The following CTNNB1 variants were observed in gnomAD, a reference collection of about 807,000 sequenced individuals.
CTNNB1 encodes catenin beta 1.
A neutral mutation model predicts 82.5 loss-of-function variants in CTNNB1; 6 were observed. The observed-to-expected ratio is 0.07, with a 90% confidence interval of 0.04 to 0.14. The LOEUF (loss-of-function observed/expected upper bound fraction) is 0.14. CTNNB1 is among the 10% of genes least tolerant of loss of function. CTNNB1 has a pLI of 1.00. For synonymous variants in CTNNB1, 312 were observed against 329.7 expected, an observed-to-expected ratio of 0.95 and a Z score of 0.58; for missense variants, 529 against 980.4, an observed-to-expected ratio of 0.54 and a Z score of 6.15.
chr3:41,220,942 T>A (rs2078033930), intron 1 of CTNNB1: 1 of 152,212 alleles, frequency 6.6e-6, no homozygotes, highest in Admixed American at 6.5e-5. Flanking sequence ...ATTTCTCCCA[T>A]TGACTTTGAC....
chr3:41,205,249 T>C (rs2077621916), intron 1 of CTNNB1, among the ~76,000 whole-genome samples: 2 of 152,250 alleles, frequency 1.3e-5, no homozygotes, highest in Non-Finnish European at 2.9e-5. Flanking sequence ...ACTGTTAGAC[T>C]AGATCCAAAA....
chr3:41,239,590 C>CAACTT lies in CTNNB1; in HGVS notation c.*251_*255dup, dbSNP rs1399366442. 8 of 543,816 alleles carry CAACTT rather than the reference C, an allele frequency of 1.5e-5. No individual in the cohort carries two copies. The highest frequency in any genetic ancestry group is 2.7e-5 in the Non-Finnish European group (8 of 301,354). The allele number at this position is 543,816 out of a possible 1,614,324, so 33.7% of individuals were successfully genotyped here. A position where few individuals can be genotyped will look rare whatever the true frequency, so the allele number is the denominator to read the frequency against. Reference sequence around the variant, plus strand: ...TTAATGTTTTTTGCCACAGCTTTTGCAACTTAATACTCAAATGAGTAACAT... The same window carrying CAACTT: ...TTAATGTTTTTTGCCACAGCTTTTGCAACTTAACTTAATACTCAAATGAGTAACAT... On this transcript the variant is annotated 3_prime_UTR_variant, in exon 15 of 15. Coordinates refer to ENST00000349496, the MANE Select transcript of CTNNB1 (RefSeq NM_001904.4).
intron 1 of CTNNB1, among the ~76,000 whole-genome samples, chr3:41,220,377 C>CGA (rs1260157104): frequency 2.0e-5 from 3 of 151,542 alleles, no homozygotes; most frequent in African/African-American, 7.3e-5. Flanking sequence ...CTTGAGAACA[C>CGA]ACACACCCAC....
chr3:41,207,996 C>T (rs1392338904), intron 1 of CTNNB1, among the ~76,000 whole-genome samples: 2 of 152,078 alleles, frequency 1.3e-5, no homozygotes, highest in Non-Finnish European at 2.9e-5. Context: ...CAAATTATAC[C>T]ACCCACTGCC....
At chr3:41,208,846 A>AG (rs1187965026) in intron 1 of CTNNB1, among the ~76,000 whole-genome samples, 5 of 152,198 alleles carry the variant, frequency 3.3e-5, no homozygotes, top group African/African-American at 1.2e-4. Context: ...GGCTCTTTCC[A>AG]TGAGCAAACA....
At chr3:41,208,575 C>G (rs1559456481) in intron 1 of CTNNB1, among the ~76,000 whole-genome samples, 1 of 152,120 alleles carries the variant, frequency 6.6e-6, no homozygotes, top group African/African-American at 2.4e-5. Flanking sequence ...TTCCCTGTTC[C>G]TCACCCTCAC....
At chr3:41,228,110 C>G (rs1239692110) in intron 7 of CTNNB1, among the ~76,000 whole-genome samples, 1 of 152,078 alleles carries the variant, frequency 6.6e-6, no homozygotes, top group Admixed American at 6.5e-5. Flanking sequence ...TTTTCTTTAT[C>G]TAGTCTACCA....
chr3:41,225,921 C>T lies in CTNNB1; in HGVS notation c.936+60C>T. 3.4e-6 allele frequency: 5 copies of T among 1,481,900 alleles called. No individual in the cohort carries two copies. The highest frequency in any genetic ancestry group is 4.7e-6 in the Non-Finnish European group (5 of 1,068,324). 91.8% of individuals were successfully genotyped at this position (1,481,900 alleles called of 1,614,324 possible). A position where few individuals can be genotyped will look rare whatever the true frequency, so the allele number is the denominator to read the frequency against. On this transcript the variant is annotated intron_variant, in intron 6 of 14. Coordinates refer to ENST00000349496, the MANE Select transcript of CTNNB1 (RefSeq NM_001904.4). This position sits in a 1 kb window ranked among gnomAD's most constrained non-coding sequence, Gnocchi z 5.3. ...GCATTGGACACCTCCAGTGTCATGTCATTCCATGCAGTGTTCCTAACCTTT... is the reference window on the plus strand; with the variant it reads ...GCATTGGACACCTCCAGTGTCATGTTATTCCATGCAGTGTTCCTAACCTTT...
At chr3:41,208,866 C>T (rs1377347105) in intron 1 of CTNNB1, among the ~76,000 whole-genome samples, 2 of 152,152 alleles carry the variant, frequency 1.3e-5, no homozygotes, top group Non-Finnish European at 2.9e-5. Context: ...ATGGTATTAT[C>T]CCATTACAAA....
intron 1 of CTNNB1, among the ~76,000 whole-genome samples, chr3:41,201,641 G>A (rs1052021661): frequency 8.6e-5 from 13 of 151,860 alleles, no homozygotes; most frequent in African/African-American, 3.1e-4. Flanking sequence ...GTCCTGTGGA[G>A]TCCTGAGTCT....
intron 1 of CTNNB1, among the ~76,000 whole-genome samples, chr3:41,208,249 C>CT (rs1559456310): frequency 6.6e-6 from 1 of 152,104 alleles, no homozygotes; most frequent in Non-Finnish European, 1.5e-5. Context: ...GTTTAGCTTA[C>CT]TTTTTTTGTA....
At chr3:41,235,506 T>A in intron 10 of CTNNB1, 1 of 606,710 alleles carries the variant, frequency 1.6e-6, no homozygotes, top group Non-Finnish European at 2.9e-6. Flanking sequence ...GAAGCTCTGT[T>A]GCACTGTGTA....
chr3:41,223,819 T>C (rs2078108515), intron 1 of CTNNB1, among the ~76,000 whole-genome samples: 1 of 152,126 alleles, frequency 6.6e-6, no homozygotes, highest in Non-Finnish European at 1.5e-5. Context: ...AAGGAGGAGT[T>C]TTCACTGAAG....
chr3:41,215,472 T>C (rs1370879487), intron 1 of CTNNB1, among the ~76,000 whole-genome samples: 1 of 151,732 alleles, frequency 6.6e-6, no homozygotes, highest in Admixed American at 6.6e-5. Context: ...TGTGTTCTCC[T>C]GTTCACATTT....
Position 41,239,967 on chromosome 3 carries a change from T to G in CTNNB1, c.*625T>G, listed in dbSNP as rs1287377437. 1 of 182,154 alleles carries G rather than the reference T, an allele frequency of 5.5e-6. No homozygotes were observed. Among genetic ancestry groups the G allele is most frequent in the African/African-American group, 2.4e-5 (1 of 42,126 alleles). 11.3% of individuals were successfully genotyped at this position (182,154 alleles called of 1,614,324 possible). ...AGAATATCTGTAATGGTACTGACTTTGCTTGCTTTGAAGTAGCTCTTTTTT... is the reference window on the plus strand; with the variant it reads ...AGAATATCTGTAATGGTACTGACTTGGCTTGCTTTGAAGTAGCTCTTTTTT... On this transcript the variant is annotated 3_prime_UTR_variant, in exon 15 of 15. Transcript: ENST00000349496.
At chr3:41,229,876 CTGTGTGTGTGTGTGTG>C (rs58153157) in intron 7 of CTNNB1, among the ~76,000 whole-genome samples, 1 of 147,230 alleles carries the variant, frequency 6.8e-6, no homozygotes, top group East Asian at 2.0e-4. Flanking sequence ...CTCTTGGGTT[CTGTGTGTGTGTGTGTG>C]TGTGTGTGTG....
intron 13 of CTNNB1, chr3:41,236,967 A>T: frequency 1.7e-6 from 1 of 587,988 alleles, no homozygotes; most frequent in East Asian, 2.8e-5. Context: ...GAAAAATGTT[A>T]CCAGATTAAA....
chr3:41,215,213 TAA>T (rs10576683), intron 1 of CTNNB1, among the ~76,000 whole-genome samples: 33,235 of 76,564 alleles, frequency 0.43, 6,731 homozygotes, highest in Non-Finnish European at 0.49. Context: ...CTGTCTCCAT[TAA>T]AAAAAAAAAA....
rs1215990470 is a variant in CTNNB1 at position 41,235,781 on chromosome 3, G to A, written c.1741G>A (p.Ala581Thr). 3.1e-6 allele frequency: 5 copies of A among 1,613,882 alleles called. No homozygotes were observed. The highest frequency in any genetic ancestry group is 4.2e-6 in the Non-Finnish European group (5 of 1,179,750). The stretch of plus-strand genomic sequence containing the variant: ...TTGTACCGGAGCCCTTCACATCCTA[G>A]CTCGGGATGTTCACAACCGAATTGT... ...EGCTGALHILARDVHNRIVIR... is the reference protein window; with the variant it reads ...EGCTGALHILTRDVHNRIVIR... The change falls in exon 11 of 15, where the codon GCT (alanine) becomes ACT (threonine). Residue 581 changes from alanine (A) to threonine (T), a missense_variant. Ala to Thr is a moderately conservative substitution (Grantham distance 58). Coordinates refer to ENST00000349496, the MANE Select transcript of CTNNB1 (RefSeq NM_001904.4).
Sources: gnomAD v4.1 joint callset for allele counts (sites outside exome capture counted in the v4.1 genomes callset) on GRCh38, gnomAD v4.1.1 for gene constraint, Gnocchi (gnomAD v3.1) non-coding constraint, MANE v1.5 for transcripts, NCBI Gene and HGNC (gene_info 2026-07-23, HGNC 2026-07-21) for gene names.